Variants in ENPP3 observed in about 807,000 individuals in gnomAD.
The protein encoded by ENPP3 is ectonucleotide pyrophosphatase/phosphodiesterase family member 3.
Under a neutral mutation model 117.8 loss-of-function variants are expected in ENPP3, and 104 were observed. The ratio of observed to expected loss-of-function variants is 0.88; its 90% CI spans 0.75 to 1.04. The LOEUF (loss-of-function observed/expected upper bound fraction) is 1.04, where lower values mean the gene tolerates loss of function less well. Among genes scored for constraint, ENPP3 ranks in the 50% least tolerant of loss-of-function variants. The probability of loss-of-function intolerance (pLI) is 0.00; values close to 1 mark genes in which losing one functional copy is unlikely to be tolerated. For missense variants in ENPP3, 1,026 were observed against 1,051.9 expected (o/e 0.98, Z 0.34); for synonymous variants, 380 against 349.9 (o/e 1.09, Z -0.96).
chr6:131,719,552 T>C (rs915101617), intron 16 of ENPP3, among the ~76,000 whole-genome samples: 25 of 152,196 alleles, frequency 1.6e-4, no homozygotes, highest in Non-Finnish European at 2.6e-4. Context: ...AGAGCTTTAC[T>C]ATTAATTGGG....
intron 11 of ENPP3, among the ~76,000 whole-genome samples, chr6:131,680,861 T>C (rs1452463070): frequency 6.6e-6 from 1 of 152,202 alleles, no homozygotes; most frequent in Non-Finnish European, 1.5e-5. Context: ...GAGTGTGTAC[T>C]TCATGACAGA....
At position 131,738,197 on chromosome 6, in the gene ENPP3, G is replaced by T. The variant is rs754279079; in HGVS notation, c.2300+34G>T. ...TTTGACTTTTTGATTTATCAATAGGGTCTCATGAGGGGAAATTCCAATATT... is the reference window on the plus strand; with the variant it reads ...TTTGACTTTTTGATTTATCAATAGGTTCTCATGAGGGGAAATTCCAATATT... On this transcript the variant is annotated intron_variant, in intron 23 of 24. Coordinates refer to ENST00000357639, the MANE Select transcript of ENPP3 (RefSeq NM_005021.5). The T allele has an allele frequency of 3.8e-6, 6 of 1,569,138 alleles. No homozygotes were observed. In the African/African-American group the frequency reaches 6.8e-5, roughly 18 times the overall value.
chr6:131,646,991 T>C (rs936892382), intron 2 of ENPP3, among the ~76,000 whole-genome samples: 3 of 149,604 alleles, frequency 2.0e-5, no homozygotes, highest in Non-Finnish European at 4.5e-5. Flanking sequence ...TTTTTTTTTT[T>C]GCCTCTTGAG....
In ENPP3 at chr6:131,746,939, T is replaced by C. The variant is rs1281920763; in HGVS notation, c.2611T>C (p.Phe871Leu). The C allele has an allele frequency of 1.2e-6, 2 of 1,600,520 alleles. No individual in the cohort carries two copies. Among genetic ancestry groups the C allele is most frequent in the Non-Finnish European group, 1.7e-6 (2 of 1,170,404 alleles). ...ILQLKTYLPT[F>L]ETTI ...GCAACTAAAGACATATTTACCAACA[T>C]TTGAAACCACTATTTAACTTAATAA... The change falls in exon 25 of 25, where the codon TTT becomes CTT. Residue 871 changes from phenylalanine to leucine, a missense_variant. Physicochemically the swap from Phe to Leu is conservative, Grantham distance 22. Coordinates refer to ENST00000357639, the MANE Select transcript of ENPP3 (RefSeq NM_005021.5).
intron 15 of ENPP3, among the ~76,000 whole-genome samples, chr6:131,716,776 C>G (rs1261189195): frequency 6.7e-6 from 1 of 150,206 alleles, no homozygotes; most frequent in African/African-American, 2.5e-5. Flanking sequence ...CCAGACTAGC[C>G]TGGCCAACAT....
intron 15 of ENPP3, among the ~76,000 whole-genome samples, chr6:131,716,775 C>G (rs1485431697): frequency 6.6e-6 from 1 of 150,714 alleles, no homozygotes; most frequent in Non-Finnish European, 1.5e-5. Context: ...TCCAGACTAG[C>G]CTGGCCAACA....
intron 21 of ENPP3, among the ~76,000 whole-genome samples, chr6:131,734,108 G>A (rs752921163): frequency 2.0e-5 from 3 of 152,154 alleles, no homozygotes; most frequent in South Asian, 2.1e-4. Flanking sequence ...CTGGGTGCTC[G>A]CTTTGGCAGA....
chr6:131,678,534 T>TTCTAAACTC (rs1251956544), intron 11 of ENPP3, among the ~76,000 whole-genome samples: 1 of 152,190 alleles, frequency 6.6e-6, no homozygotes, highest in Non-Finnish European at 1.5e-5. Context: ...CCATTCTGTC[T>TTCTAAACTC]TCTAAACTCC....
chr6:131,650,522 C>T (rs150962500), intron 3 of ENPP3, among the ~76,000 whole-genome samples: 1 of 152,184 alleles, frequency 6.6e-6, no homozygotes, highest in East Asian at 1.9e-4. Context: ...TATGCCAGGG[C>T]TGTGTCCAAA....
chr6:131,646,681 C>A (rs1443222410), intron 2 of ENPP3, among the ~76,000 whole-genome samples: 1 of 151,046 alleles, frequency 6.6e-6, no homozygotes, highest in African/African-American at 2.4e-5. Flanking sequence ...ACTTAATGAC[C>A]TTTTTTCTTA....
Position 131,683,014 on chromosome 6 carries a change from C to T in ENPP3, c.1012-40C>T, listed in dbSNP as rs368976536. 4.1e-6 allele frequency: 5 copies of T among 1,208,808 alleles called. No individual in the cohort carries two copies. The African/African-American group carries it at 7.5e-5, about 18-fold the overall frequency. 74.9% of individuals were successfully genotyped at this position (1,208,808 alleles called of 1,614,324 possible). A position where few individuals can be genotyped will look rare whatever the true frequency, so the allele number is the denominator to read the frequency against. On this transcript the variant is annotated intron_variant, in intron 11 of 24. Coordinates refer to ENST00000357639, the MANE Select transcript of ENPP3 (RefSeq NM_005021.5). ...TAGATAACGGTTTGGCTAATTAAGA[C>T]AACTCATTACGACAATCTTAACTCC...
rs751001861 is a variant in ENPP3 at position 131,738,054 on chromosome 6, GTTC to G, written c.2197_2199del (p.Leu733del). 5 of 1,604,968 alleles carry G rather than the reference GTTC, an allele frequency of 3.1e-6. No individual in the cohort carries two copies. Among genetic ancestry groups the G allele is most frequent in the East Asian group, 4.5e-5 (2 of 44,566 alleles). On this transcript the variant is annotated inframe_deletion, in exon 23 of 25. Coordinates refer to ENST00000357639, the MANE Select transcript of ENPP3 (RefSeq NM_005021.5). ...AGAAATGTGGGACTACTTCCACAGTGTTCTTCTTATAAAACATGCCACAGAAAG... is the reference window on the plus strand; with the variant it reads ...AGAAATGTGGGACTACTTCCACAGTGTTCTTATAAAACATGCCACAGAAAG...
At chr6:131,722,140 G>A in intron 17 of ENPP3, 87 bp from the exon 18 acceptor site, 1 of 864,968 alleles carries the variant, frequency 1.2e-6, no homozygotes, top group East Asian at 2.5e-5. Flanking sequence ...GAGTGAAAGA[G>A]TAGGTGTTTG....
At chr6:131,737,573 G>T in intron 22 of ENPP3, 141 bp downstream of exon 22, 1 of 548,724 alleles carries the variant, frequency 1.8e-6, no homozygotes, top group Non-Finnish European at 3.2e-6. Flanking sequence ...ATAGGTATAG[G>T]AAGGATCCCT....
intron 20 of ENPP3, 140 bp downstream of exon 20, chr6:131,726,340 G>C (rs547982716): frequency 1.6e-5 from 11 of 667,388 alleles, no homozygotes; most frequent in Non-Finnish European, 2.2e-5. Context: ...CAATGTGCAA[G>C]TATTAGATAA....
At chr6:131,648,571 G>A (rs1276445455) in intron 2 of ENPP3, among the ~76,000 whole-genome samples, 2 of 151,986 alleles carry the variant, frequency 1.3e-5, no homozygotes, top group East Asian at 3.9e-4. Context: ...CCAGCACAGT[G>A]CCTGAAACAT....
In ENPP3 at chr6:131,646,274, C is replaced by G. The variant is rs1041702695; in HGVS notation, c.155-3753C>G. Among the ~76,000 whole-genome samples, 91 of 145,602 alleles carry G rather than the reference C, an allele frequency of 6.2e-4. 1 individual carries two copies. Among genetic ancestry groups the G allele is most frequent in the African/African-American group, 2.1e-3 (82 of 39,420 alleles). The stretch of plus-strand genomic sequence containing the variant: ...TCTCTTTTCTGAGGCTCTCAATACT[C>G]TGTGTGTGTGTGTGTGTGTGTGTGT... On this transcript the variant is annotated intron_variant, in intron 2 of 24. Coordinates refer to ENST00000357639, the MANE Select transcript of ENPP3 (RefSeq NM_005021.5).
chr6:131,651,523 A>G (rs1778263347), intron 3 of ENPP3, among the ~76,000 whole-genome samples: 1 of 152,212 alleles, frequency 6.6e-6, no homozygotes, highest in South Asian at 2.1e-4. Flanking sequence ...TCGAGGTGCA[A>G]TAAAACTCTC....
intron 1 of ENPP3, among the ~76,000 whole-genome samples, chr6:131,638,116 C>T (rs550969715): frequency 6.0e-4 from 92 of 152,092 alleles, no homozygotes; most frequent in African/African-American, 2.1e-3. Flanking sequence ...GTTTTCTCAG[C>T]CCCCAACCAT....
Sources: gnomAD v4.1 joint callset for allele counts (sites outside exome capture counted in the v4.1 genomes callset) on GRCh38, gnomAD v4.1.1 for gene constraint, MANE v1.5 for transcripts, NCBI Gene and HGNC (gene_info 2026-07-23, HGNC 2026-07-21) for gene names.